Variants in TRPM3 observed in about 807,000 individuals in gnomAD.
The protein encoded by TRPM3 is long transient receptor potential channel 3.
A neutral mutation model predicts 181.2 loss-of-function variants in TRPM3; 77 were observed. The ratio of observed to expected loss-of-function variants is 0.42; its 90% CI spans 0.35 to 0.51. The LOEUF (loss-of-function observed/expected upper bound fraction) is 0.51. Ranked by LOEUF, TRPM3 falls within the 20% of genes least tolerant of loss-of-function variation. TRPM3 has a pLI of 0.01. For missense variants in TRPM3, 1,759 were observed against 2,196.7 expected, an observed-to-expected ratio of 0.80 and a Z score of 3.98; for synonymous variants, 745 against 796.4, an observed-to-expected ratio of 0.94 and a Z score of 1.09.
At chr9:70,748,995 C>G (rs1479933010) in intron 8 of TRPM3, among the ~76,000 whole-genome samples, 1 of 152,100 alleles carries the variant, frequency 6.6e-6, no homozygotes, top group Non-Finnish European at 1.5e-5. Context: ...AGAGATTTAG[C>G]TAGAACTCCG....
At chr9:70,816,561 C>T (rs1310493608) in intron 6 of TRPM3, among the ~76,000 whole-genome samples, 1 of 152,196 alleles carries the variant, frequency 6.6e-6, no homozygotes, top group Non-Finnish European at 1.5e-5. Flanking sequence ...CATTCTACCA[C>T]CTGCTGCCAA....
chr9:71,168,371 T>C (rs2076637987), intron 1 of TRPM3, among the ~76,000 whole-genome samples: 1 of 151,960 alleles, frequency 6.6e-6, no homozygotes, highest in Admixed American at 6.6e-5. Context: ...GCCCCTACCT[T>C]CCACTTGGGT....
Position 71,411,075 on chromosome 9 carries a change from T to G in TRPM3, c.183+35578A>C, listed in dbSNP as rs141468738. Among the ~76,000 whole-genome samples, 450 of 152,196 alleles carry G rather than the reference T, an allele frequency of 3.0e-3. 1 individual carries two copies. Among genetic ancestry groups the G allele is most frequent in the African/African-American group, 0.01 (435 of 41,556 alleles). Reference sequence around the variant, plus strand: ...CAGCCCTTCATGCTAAAAACTCTCATTAAACTAGGTATTGATGGGACGTAT... The same window carrying G: ...CAGCCCTTCATGCTAAAAACTCTCAGTAAACTAGGTATTGATGGGACGTAT... On this transcript the variant is annotated intron_variant, in intron 1 of 24. Transcript: ENST00000357533.
intron 1 of TRPM3, among the ~76,000 whole-genome samples, chr9:70,933,281 T>C (rs761898530): frequency 1.3e-5 from 2 of 152,154 alleles, no homozygotes; most frequent in Non-Finnish European, 2.9e-5. Flanking sequence ...CATTGGTTTA[T>C]AGATAGGAAC....
At chr9:71,151,928 T>C (rs373023021) in intron 1 of TRPM3, among the ~76,000 whole-genome samples, 1 of 152,138 alleles carries the variant, frequency 6.6e-6, no homozygotes, top group Non-Finnish European at 1.5e-5. Flanking sequence ...TTCAACTATC[T>C]GCCATCAACA....
intron 1 of TRPM3, among the ~76,000 whole-genome samples, chr9:71,253,540 A>G (rs909757136): frequency 6.6e-6 from 1 of 152,194 alleles, no homozygotes; most frequent in African/African-American, 2.4e-5. Flanking sequence ...GCTTTAGGTT[A>G]AAGTTTCAAT....
At chr9:71,002,773 G>A (rs1321198667) in intron 1 of TRPM3, among the ~76,000 whole-genome samples, 2 of 152,124 alleles carry the variant, frequency 1.3e-5, no homozygotes, top group African/African-American at 2.4e-5. Context: ...TTGAATGCAA[G>A]TTGTAGATAA....
chr9:71,085,503 A>T (rs2133823798), intron 1 of TRPM3, among the ~76,000 whole-genome samples: 1 of 152,016 alleles, frequency 6.6e-6, no homozygotes, highest in East Asian at 1.9e-4. Flanking sequence ...AAGAAGATAC[A>T]CAAGTGACCA....
upstream of TRPM3, among the ~76,000 whole-genome samples, chr9:71,125,113 G>A (rs1773124339): frequency 1.3e-5 from 2 of 152,166 alleles, no homozygotes; most frequent in South Asian, 4.1e-4. Context: ...GTTTGCTTCA[G>A]TGTTTTGTAG....
chr9:70,846,105 T>C (rs2094941505), intron 4 of TRPM3, among the ~76,000 whole-genome samples: 1 of 152,230 alleles, frequency 6.6e-6, no homozygotes, highest in African/African-American at 2.4e-5. Flanking sequence ...TTTAAAAATA[T>C]CCTGTGAAAT....
At chr9:71,043,265 A>G (rs1278828875) in intron 1 of TRPM3, among the ~76,000 whole-genome samples, 1 of 152,146 alleles carries the variant, frequency 6.6e-6, no homozygotes, top group Non-Finnish European at 1.5e-5. Context: ...TTAGTGGGTG[A>G]TTGATAAACA....
chr9:70,591,481 A>G (rs1564464600), intron 21 of TRPM3, among the ~76,000 whole-genome samples: 1 of 152,194 alleles, frequency 6.6e-6, no homozygotes, highest in African/African-American at 2.4e-5. Flanking sequence ...GGGACCGAGC[A>G]TAGGTCCCAC....
At chr9:71,405,565 G>GA (rs1273170500) in intron 1 of TRPM3, among the ~76,000 whole-genome samples, 3 of 151,940 alleles carry the variant, frequency 2.0e-5, no homozygotes, top group South Asian at 2.1e-4. Context: ...TTAGGAATGT[G>GA]AAAAAAACAA....
chr9:71,000,028 T>C (rs1325729971), intron 1 of TRPM3, among the ~76,000 whole-genome samples: 12 of 152,166 alleles, frequency 7.9e-5, no homozygotes, highest in Admixed American at 7.9e-4. Context: ...GGGACCTCAC[T>C]TATCCCAAGA....
At chr9:70,611,456 C>G (rs897360385) in intron 18 of TRPM3, among the ~76,000 whole-genome samples, 1 of 152,106 alleles carries the variant, frequency 6.6e-6, no homozygotes, top group African/African-American at 2.4e-5. Context: ...GTCTGTCACT[C>G]TCTCTCTCCT....
intron 1 of TRPM3, among the ~76,000 whole-genome samples, chr9:71,188,702 A>C (rs567962851): frequency 1.5e-4 from 23 of 151,980 alleles, no homozygotes; most frequent in African/African-American, 4.1e-4. Flanking sequence ...CAAGTCTACC[A>C]TGATCCAGAA....
intron 8 of TRPM3, among the ~76,000 whole-genome samples, chr9:70,754,533 C>T (rs747182617): frequency 2.2e-4 from 34 of 152,060 alleles, no homozygotes; most frequent in Non-Finnish European, 1.3e-4. Flanking sequence ...GTGAAGATGT[C>T]GTGAGGGGCT....
At chr9:70,753,550 C>A (rs1341500802) in intron 8 of TRPM3, among the ~76,000 whole-genome samples, 1 of 152,050 alleles carries the variant, frequency 6.6e-6, no homozygotes, top group Non-Finnish European at 1.5e-5. Context: ...GGTGAGGGAA[C>A]CCAGATGGGA....
chr9:71,413,933 T>C (rs944352093), intron 1 of TRPM3, among the ~76,000 whole-genome samples: 20 of 151,906 alleles, frequency 1.3e-4, no homozygotes, highest in African/African-American at 4.8e-4. Flanking sequence ...ACTCTGAGCA[T>C]GTTTATCTCC....
Sources: gnomAD v4.1 joint callset for allele counts (sites outside exome capture counted in the v4.1 genomes callset) on GRCh38, gnomAD v4.1.1 for gene constraint, MANE v1.5 for transcripts, NCBI Gene and HGNC (gene_info 2026-07-23, HGNC 2026-07-21) for gene names.